The following KIF6 variants were observed in gnomAD, a reference collection of about 807,000 sequenced individuals.
KIF6 encodes the protein kinesin-like protein KIF6.
A neutral mutation model predicts 112.7 loss-of-function variants in KIF6; 106 were observed. That is an observed-to-expected ratio of 0.94 (90% confidence interval 0.80 to 1.11). The LOEUF is 1.11. Ranked by LOEUF, KIF6 falls within the 50% of genes least tolerant of loss-of-function variation. KIF6 has a pLI of 0.00. For missense variants in KIF6, 929 were observed against 964.0 expected (o/e 0.96, Z 0.48); for synonymous variants, 339 against 339.9 (o/e 1.00, Z 0.03).
At chr6:39,601,598 A>G (rs1305711682) in intron 6 of KIF6, among the ~76,000 whole-genome samples, 2 of 152,052 alleles carry the variant, frequency 1.3e-5, no homozygotes, top group East Asian at 3.8e-4. Context: ...TGGATGTATT[A>G]CTTCCTGGAA....
chr6:39,458,221 G>A (rs1441977458), intron 13 of KIF6, among the ~76,000 whole-genome samples: 21 of 148,324 alleles, frequency 1.4e-4, no homozygotes, highest in African/African-American at 4.3e-4. Context: ...TTCAATATAC[G>A]CAAATCAATA....
At chr6:39,649,662 G>A (rs1785358075) in intron 3 of KIF6, among the ~76,000 whole-genome samples, 1 of 151,746 alleles carries the variant, frequency 6.6e-6, no homozygotes, top group African/African-American at 2.4e-5. Flanking sequence ...TCCATGGAAT[G>A]TTGAGTTTTG....
chr6:39,551,030 T>C (rs1227204929), intron 10 of KIF6, among the ~76,000 whole-genome samples: 1 of 152,076 alleles, frequency 6.6e-6, no homozygotes, highest in Admixed American at 6.5e-5. Flanking sequence ...TCTTGGCTGT[T>C]GTGAATAGTG....
rs144856073 is a variant in KIF6 at position 39,330,646 on chromosome 6, C to T, written c.*5886G>A. On this transcript the variant is annotated 3_prime_UTR_variant, in exon 23 of 23. Transcript: ENST00000287152. ...CAGCTGGCATGCTGCTTGCTCTTTG[C>T]TGAGTTCCCTCTCAGTGTGGGTGAA... 6.6e-6 allele frequency: 1 copy of T among 152,334 alleles called. No homozygotes were observed. Among genetic ancestry groups the T allele is most frequent in the East Asian group, 1.9e-4 (1 of 5,170 alleles). 9.4% of individuals were successfully genotyped at this position (152,334 alleles called of 1,614,324 possible).
chr6:39,723,619 T>C (rs999711885), intron 1 of KIF6, among the ~76,000 whole-genome samples: 1 of 152,140 alleles, frequency 6.6e-6, no homozygotes, highest in Non-Finnish European at 1.5e-5. Flanking sequence ...CTGGAAACCA[T>C]CATTCTCAGC....
At position 39,387,715 on chromosome 6, in the gene KIF6, A is replaced by G. The variant is rs147740933; in HGVS notation, c.1811-2043T>C. ...CCCTACTCAGTGCAATTTGACCCTT[A>G]TTGTCCATATAAGCAGAGTAAAGAA... On this transcript the variant is annotated intron_variant, in intron 15 of 22. Transcript: ENST00000287152. Among the ~76,000 whole-genome samples, 691 of 152,242 alleles carry G rather than the reference A, an allele frequency of 4.5e-3. 3 individuals are homozygous for G. The highest frequency in any genetic ancestry group is 0.012 in the African/African-American group (504 of 41,522).
Position 39,562,723 on chromosome 6 carries a change from G to A in KIF6, c.1181+15333C>T, listed in dbSNP as rs181086568. On this transcript the variant is annotated intron_variant, in intron 10 of 22. Coordinates refer to ENST00000287152, the MANE Select transcript of KIF6 (RefSeq NM_145027.6). ...TTATATTAGACTACATATATAAAAA[G>A]TCTAATATAAAATGTCTAATCCAAT... 1.8e-3 allele frequency among the ~76,000 whole-genome samples: 281 copies of A among 152,222 alleles called. 1 individual carries two copies. The highest frequency in any genetic ancestry group is 6.6e-3 in the African/African-American group (274 of 41,534).
At chr6:39,522,738 G>T (rs181053850) in intron 13 of KIF6, among the ~76,000 whole-genome samples, 20 of 152,306 alleles carry the variant, frequency 1.3e-4, no homozygotes, top group Admixed American at 1.0e-3. Context: ...TTCCTTCTGA[G>T]ATCTTGCTCT....
At chr6:39,547,084 T>A (rs1779108244) in intron 10 of KIF6, among the ~76,000 whole-genome samples, 1 of 152,216 alleles carries the variant, frequency 6.6e-6, no homozygotes, top group African/African-American at 2.4e-5. Context: ...ATGTTATGTA[T>A]CATAATACAG....
In KIF6 at chr6:39,466,255, T is replaced by C. The variant is rs564562252; in HGVS notation, c.1646-35094A>G. On this transcript the variant is annotated intron_variant, in intron 13 of 22. Transcript: ENST00000287152. The stretch of plus-strand genomic sequence containing the variant: ...CCCCCTTCCTCCTTCCTTCTCTCCT[T>C]CTTCCTTCCTTCAAACACCGGCTGC... 3.9e-5 allele frequency among the ~76,000 whole-genome samples: 6 copies of C among 152,264 alleles called. No homozygotes were observed. The South Asian group carries it at 1.2e-3, about 32-fold the overall frequency.
intron 13 of KIF6, among the ~76,000 whole-genome samples, chr6:39,523,996 T>G (rs1381279924): frequency 6.6e-6 from 1 of 152,086 alleles, no homozygotes; most frequent in Non-Finnish European, 1.5e-5. Flanking sequence ...TGCTTCCCAG[T>G]GCTCCTGCAG....
Position 39,343,567 on chromosome 6 carries a change from A to C in KIF6, c.2428+142T>G. On this transcript the variant is annotated intron_variant, in intron 22 of 22. Coordinates refer to ENST00000287152, the MANE Select transcript of KIF6 (RefSeq NM_145027.6). The surrounding 1 kb of genome is among the most constrained non-coding windows in gnomAD (Gnocchi z 4.1). ...CTCGAGAAGGAATCAGAGGCTGGGC[A>C]CATGTGACTGACAGGCAGGCCAGTC... 1 of 1,253,074 alleles carries C rather than the reference A, an allele frequency of 8.0e-7. No individual in the cohort carries two copies. Among genetic ancestry groups the C allele is most frequent in the Non-Finnish European group, 1.1e-6 (1 of 908,700 alleles). The allele number at this position is 1,253,074 out of a possible 1,614,324, so 77.6% of individuals were successfully genotyped here. A position where few individuals can be genotyped will look rare whatever the true frequency, so the allele number is the denominator to read the frequency against.
intron 15 of KIF6, among the ~76,000 whole-genome samples, chr6:39,414,854 T>A (rs1769785239): frequency 6.6e-6 from 1 of 152,022 alleles, no homozygotes; most frequent in Non-Finnish European, 1.5e-5. Context: ...GAAATTCTAG[T>A]CTGGCCACTT....
chr6:39,357,184 TC>T (rs1241705425), intron 19 of KIF6, 92 bp downstream of exon 19: 3 of 732,912 alleles, frequency 4.1e-6, no homozygotes, highest in African/African-American at 1.8e-5. Context: ...ATATGGCTTA[TC>T]AAGAGACATG....
chr6:39,341,468 T>C (rs1386092805), intron 22 of KIF6, among the ~76,000 whole-genome samples: 2 of 152,182 alleles, frequency 1.3e-5, no homozygotes, highest in Non-Finnish European at 2.9e-5. Flanking sequence ...CAGGGGGCTG[T>C]TCTCAGCAAT....
chr6:39,346,306 T>C, intron 20 of KIF6, 170 bp downstream of exon 20: 2 of 695,260 alleles, frequency 2.9e-6, no homozygotes, highest in South Asian at 3.0e-5. Flanking sequence ...TCCAATGTAA[T>C]GGTAGTAGAG....
At chr6:39,697,338 G>A (rs753404896) in intron 3 of KIF6, among the ~76,000 whole-genome samples, 3 of 152,122 alleles carry the variant, frequency 2.0e-5, no homozygotes. Flanking sequence ...AAAGGACAAT[G>A]TCCTGTCTTA....
intron 6 of KIF6, among the ~76,000 whole-genome samples, chr6:39,609,118 AAAG>A (rs1783054888): frequency 6.6e-6 from 1 of 152,180 alleles, no homozygotes; most frequent in Non-Finnish European, 1.5e-5. Context: ...CAGGGGTAGA[AAAG>A]AAGGTCTCCA....
At chr6:39,526,276 C>T (rs1436466608) in intron 13 of KIF6, among the ~76,000 whole-genome samples, 1 of 152,194 alleles carries the variant, frequency 6.6e-6, no homozygotes, top group Non-Finnish European at 1.5e-5. Flanking sequence ...GGTTTGAATC[C>T]TCTACAAACT....
Sources: gnomAD v4.1 joint callset for allele counts (sites outside exome capture counted in the v4.1 genomes callset) on GRCh38, gnomAD v4.1.1 for gene constraint, Gnocchi (gnomAD v3.1) non-coding constraint, MANE v1.5 for transcripts, NCBI Gene and HGNC (gene_info 2026-07-23, HGNC 2026-07-21) for gene names.